PLXNA4: variants seen among roughly 807,000 people sequenced by gnomAD.
The protein encoded by PLXNA4 is plexin-A4.
A neutral mutation model predicts 191.8 loss-of-function variants in PLXNA4; 44 were observed. The ratio of observed to expected loss-of-function variants is 0.23; its 90% CI spans 0.18 to 0.29. The LOEUF is 0.29. Ranked by LOEUF, PLXNA4 falls within the 10% of genes least tolerant of loss-of-function variation. PLXNA4 has a pLI of 1.00. For missense variants in PLXNA4, 1,800 were observed against 2,488.8 expected (o/e 0.72, Z 5.89); for synonymous variants, 1,082 against 1,009.5 (o/e 1.07, Z -1.36).
At chr7:132,563,126 CCT>C (rs1801394641) in intron 1 of PLXNA4, among the ~76,000 whole-genome samples, 1 of 96,874 alleles carries the variant, frequency 1.0e-5, no homozygotes, top group African/African-American at 3.9e-5. Flanking sequence ...TCCTCCTTCT[CCT>C]CCTCCTCCTT....
Position 132,124,102 on chromosome 7 carries a change from C to G in PLXNA4, c.*6377G>C, listed in dbSNP as rs1584735026. On this transcript the variant is annotated 3_prime_UTR_variant, in exon 32 of 32. Coordinates refer to ENST00000321063, the MANE Select transcript of PLXNA4 (RefSeq NM_020911.2). ...AGGCCTTGTTCCTGCTCAAAGCAGCCAACACACGACTAAGCAAAGACCGTA... is the reference window on the plus strand; with the variant it reads ...AGGCCTTGTTCCTGCTCAAAGCAGCGAACACACGACTAAGCAAAGACCGTA... 1 of 152,372 alleles carries G rather than the reference C, an allele frequency of 6.6e-6. No individual in the cohort carries two copies. The highest frequency in any genetic ancestry group is 2.1e-4 in the South Asian group (1 of 4,830). The allele number at this position is 152,372 out of a possible 1,614,324, so 9.4% of individuals were successfully genotyped here.
At chr7:132,274,171 CAG>C (rs1320048480) in intron 4 of PLXNA4, among the ~76,000 whole-genome samples, 2 of 151,742 alleles carry the variant, frequency 1.3e-5, no homozygotes, top group Non-Finnish European at 2.9e-5. Context: ...GTGCTGGAGA[CAG>C]GGAGAGAAGA....
intron 2 of PLXNA4, among the ~76,000 whole-genome samples, chr7:132,596,712 G>A (rs1000965252): frequency 2.6e-5 from 4 of 151,962 alleles, no homozygotes; most frequent in Admixed American, 1.3e-4. Context: ...GCTCATTTTA[G>A]GGGTAGGAAG....
At chr7:132,149,325 G>A (rs576249168) in intron 25 of PLXNA4, among the ~76,000 whole-genome samples, 2 of 152,062 alleles carry the variant, frequency 1.3e-5, no homozygotes, top group South Asian at 2.1e-4. Context: ...TTATTCTCAC[G>A]GGTCCAAACA....
chr7:132,463,537 T>A (rs1374707560), intron 3 of PLXNA4, among the ~76,000 whole-genome samples: 1 of 152,204 alleles, frequency 6.6e-6, no homozygotes, highest in Non-Finnish European at 1.5e-5. Flanking sequence ...TGCTTAAGGT[T>A]ACATAGATGG....
At position 132,140,696 on chromosome 7, in the gene PLXNA4, A is replaced by C. The variant is rs761250456; in HGVS notation, c.5341T>G (p.Ser1781Ala). ...LSVVAQTFMDSCSTSEHRLGK... is the reference protein window; with the variant it reads ...LSVVAQTFMDACSTSEHRLGK... ...AGCCGGTGCTCTGACGTGGAGCAAG[A>C]GTCCATGAAGGTCTGAGCCACCACA... Residue 1781 changes from serine to alanine, a missense_variant, in exon 30 of 32, where the codon TCT becomes GCT. By Grantham distance (99) the Ser-to-Ala change is moderately conservative. Around this residue, in one of 6 missense-constraint regions of PLXNA4, gnomAD observed 101 missense variants for 182.8 expected, o/e 0.55. Transcript: ENST00000321063. 1.4e-5 allele frequency: 23 copies of C among 1,614,134 alleles called. No individual in the cohort carries two copies. The South Asian group carries it at 2.5e-4, about 18-fold the overall frequency.
At chr7:132,165,717 T>C (rs377418649) in intron 22 of PLXNA4, among the ~76,000 whole-genome samples, 1 of 69,362 alleles carries the variant, frequency 1.4e-5, no homozygotes, top group South Asian at 4.3e-4. Context: ...TTCTTTTGGG[T>C]GAAAAAAAAA....
At chr7:132,313,850 T>C (rs988132169) in intron 3 of PLXNA4, among the ~76,000 whole-genome samples, 13 of 152,166 alleles carry the variant, frequency 8.5e-5, no homozygotes, top group Non-Finnish European at 1.9e-4. Flanking sequence ...CCTCCTACCC[T>C]GTCTCTAAGG....
Position 132,645,209 on chromosome 7 carries a change from CTG to C in PLXNA4, c.-87+717_-87+718del, listed in dbSNP as rs1183975368. Among the ~76,000 whole-genome samples, 268 of 152,332 alleles carry C rather than the reference CTG, an allele frequency of 1.8e-3. 3 individuals carry two copies. Among genetic ancestry groups the C allele is most frequent in the Non-Finnish European group, 3.5e-4 (24 of 68,028 alleles). ...GGTCCCAGTCTGATATGGTTTGGCT[CTG>C]TGTCCCCACCCAAATATCATCTTGA... On this transcript the variant is annotated intron_variant, in intron 2 of 4. Coordinates refer to the PLXNA4 transcript ENST00000378539.
At chr7:132,311,662 C>T (rs537118900) in intron 3 of PLXNA4, among the ~76,000 whole-genome samples, 1 of 152,270 alleles carries the variant, frequency 6.6e-6, no homozygotes, top group East Asian at 1.9e-4. Flanking sequence ...GAATCCTTCC[C>T]CTCCCCGTCC....
chr7:132,521,869 C>T (rs1448461568), intron 1 of PLXNA4, among the ~76,000 whole-genome samples: 3 of 152,356 alleles, frequency 2.0e-5, no homozygotes, highest in African/African-American at 7.2e-5. Context: ...CCTCCCCTGG[C>T]ACCCCTATGA....
rs537773447 is a variant in PLXNA4 at position 132,303,573 on chromosome 7, A to G, written c.1372-5351T>C. ...GACAGAGCAAGACTCCGTCTCAAAA[A>G]AGAAAATGTAAAGAAACCAATCACA... On this transcript the variant is annotated intron_variant, in intron 3 of 31. Coordinates refer to ENST00000321063, the MANE Select transcript of PLXNA4 (RefSeq NM_020911.2). Among the ~76,000 whole-genome samples, 4 of 152,292 alleles carry G rather than the reference A, an allele frequency of 2.6e-5. No homozygotes were observed. The South Asian group carries it at 8.3e-4, about 32-fold the overall frequency.
intron 3 of PLXNA4, among the ~76,000 whole-genome samples, chr7:132,474,463 G>C (rs758302548): frequency 6.6e-6 from 1 of 151,920 alleles, no homozygotes; most frequent in African/African-American, 2.4e-5. Context: ...AGCCTGCCCC[G>C]CCCATCCTGC....
intron 4 of PLXNA4, among the ~76,000 whole-genome samples, chr7:132,247,944 T>G (rs1799116624): frequency 1.3e-5 from 2 of 152,182 alleles, no homozygotes; most frequent in African/African-American, 4.8e-5. Flanking sequence ...TGGCAGATTG[T>G]ATTATGAGTC....
chr7:132,389,115 TG>T (rs1180688923), intron 3 of PLXNA4, among the ~76,000 whole-genome samples: 3 of 152,186 alleles, frequency 2.0e-5, no homozygotes, highest in Non-Finnish European at 2.9e-5. Flanking sequence ...TTGATTGGGT[TG>T]TTTTTTTTCT....
intron 29 of PLXNA4, among the ~76,000 whole-genome samples, chr7:132,141,078 C>A (rs1048912921): frequency 1.3e-5 from 2 of 152,192 alleles, no homozygotes; most frequent in Non-Finnish European, 2.9e-5. Flanking sequence ...GGACTTGATA[C>A]CCAGCCTTGA....
At chr7:132,188,897 C>T (rs900676111) in intron 14 of PLXNA4, among the ~76,000 whole-genome samples, 3 of 148,704 alleles carry the variant, frequency 2.0e-5, no homozygotes, top group African/African-American at 7.4e-5. Flanking sequence ...CTTGCAGTAC[C>T]TCTTCAAATG....
intron 3 of PLXNA4, among the ~76,000 whole-genome samples, chr7:132,482,214 T>G (rs4731871): frequency 0.2 from 30,112 of 152,088 alleles, 4,392 homozygotes; most frequent in African/African-American, 0.38. Flanking sequence ...TTCTAAGACA[T>G]AATACAGCAA....
chr7:132,187,368 A>T, intron 15 of PLXNA4, 103 bp downstream of exon 15: 2 of 1,498,782 alleles, frequency 1.3e-6, no homozygotes, highest in South Asian at 2.7e-5. Context: ...TCAGGTGGTT[A>T]CACCCTCCCA....
Sources: allele counts gnomAD v4.1 joint callset (sites outside exome capture counted in the v4.1 genomes callset), GRCh38; gene constraint gnomAD v4.1.1; regional missense constraint gnomAD v4.1.1; transcripts MANE v1.5; gene names NCBI Gene and HGNC (gene_info 2026-07-23, HGNC 2026-07-21).